ZBTB20: variants seen among roughly 807,000 people sequenced by gnomAD.
The protein encoded by ZBTB20 is zinc finger and BTB domain containing 20.
Under a neutral mutation model 56.9 loss-of-function variants are expected in ZBTB20, and 9 were observed. The ratio of observed to expected loss-of-function variants is 0.16; its 90% confidence interval spans 0.10 to 0.28. ZBTB20 has a LOEUF of 0.28. Among genes scored for constraint, ZBTB20 ranks in the 10% least tolerant of loss-of-function variants. ZBTB20 has a pLI of 1.00. For missense variants in ZBTB20, 655 were observed against 1,003.0 expected (o/e 0.65, Z 4.69); for synonymous variants, 417 against 420.7 (o/e 0.99, Z 0.11).
intron 7 of ZBTB20, among the ~76,000 whole-genome samples, chr3:114,450,184 T>C (rs1487994780): frequency 6.6e-6 from 1 of 152,190 alleles, no homozygotes; most frequent in East Asian, 1.9e-4. Context: ...ATCAACAGCC[T>C]TACCTGTGGC....
intron 4 of ZBTB20, among the ~76,000 whole-genome samples, chr3:114,827,717 G>A (rs2073615952): frequency 1.3e-5 from 2 of 151,708 alleles, no homozygotes; most frequent in Non-Finnish European, 3.0e-5. Context: ...TTTCACTAGA[G>A]GGTGCTCTTG....
intron 3 of ZBTB20, among the ~76,000 whole-genome samples, chr3:114,928,676 C>T (rs1193872514): frequency 1.3e-5 from 2 of 152,168 alleles, no homozygotes; most frequent in Admixed American, 6.5e-5. Flanking sequence ...AGTTAAGAAG[C>T]TTGTTTACAT....
chr3:114,778,859 A>G (rs541498012), intron 5 of ZBTB20, among the ~76,000 whole-genome samples: 2 of 152,348 alleles, frequency 1.3e-5, no homozygotes, highest in South Asian at 4.1e-4. Flanking sequence ...CAAAACAAGA[A>G]GAACAGTCTA....
intron 11 of ZBTB20, among the ~76,000 whole-genome samples, chr3:114,348,809 A>T (rs1339868044): frequency 6.6e-6 from 1 of 152,138 alleles, no homozygotes; most frequent in Non-Finnish European, 1.5e-5. Flanking sequence ...CTACTAGCTG[A>T]TCTGAGAAAC....
At chr3:114,905,425 A>G (rs1560383439) in intron 3 of ZBTB20, among the ~76,000 whole-genome samples, 2 of 151,828 alleles carry the variant, frequency 1.3e-5, no homozygotes, top group South Asian at 2.1e-4. Context: ...TGTCATAATA[A>G]TCATTTTATT....
intron 7 of ZBTB20, among the ~76,000 whole-genome samples, chr3:114,492,867 G>T (rs560300095): frequency 6.6e-6 from 1 of 152,170 alleles, no homozygotes; most frequent in Non-Finnish European, 1.5e-5. Context: ...CCTTACTCAG[G>T]TTTCATCAGT....
intron 5 of ZBTB20, among the ~76,000 whole-genome samples, chr3:114,795,632 A>G (rs1323704179): frequency 6.6e-6 from 1 of 152,112 alleles, no homozygotes; most frequent in Non-Finnish European, 1.5e-5. Context: ...TCTCTCTGAG[A>G]ATTCTGTCCT....
chr3:114,958,317 T>C (rs933792734), intron 3 of ZBTB20, among the ~76,000 whole-genome samples: 2 of 152,258 alleles, frequency 1.3e-5, no homozygotes, highest in Non-Finnish European at 2.9e-5. Context: ...TAACTTACTT[T>C]GTGTGACAGT....
At chr3:115,079,767 C>T (rs1320041864) in intron 1 of ZBTB20, among the ~76,000 whole-genome samples, 1 of 152,134 alleles carries the variant, frequency 6.6e-6, no homozygotes, top group Non-Finnish European at 1.5e-5. Context: ...CTCCATTCTT[C>T]GTAAAAACCC....
chr3:115,017,920 A>G (rs116254928), intron 2 of ZBTB20, among the ~76,000 whole-genome samples: 276 of 151,718 alleles, frequency 1.8e-3, no homozygotes, highest in Non-Finnish European at 3.2e-3. Context: ...CTTTCAGATA[A>G]TGTTACTAAA....
chr3:114,823,903 G>A (rs1295691051), intron 4 of ZBTB20, among the ~76,000 whole-genome samples: 1 of 151,984 alleles, frequency 6.6e-6, no homozygotes, highest in East Asian at 1.9e-4. Context: ...GCCAAATTTT[G>A]TTTTTAAACC....
chr3:114,914,361 T>A (rs1476584569), intron 3 of ZBTB20, among the ~76,000 whole-genome samples: 1 of 152,078 alleles, frequency 6.6e-6, no homozygotes, highest in African/African-American at 2.4e-5. Context: ...CTTTTTAAAT[T>A]TCTTTTTCAG....
intron 6 of ZBTB20, among the ~76,000 whole-genome samples, chr3:114,678,216 G>C (rs1318290681): frequency 6.6e-6 from 1 of 151,970 alleles, no homozygotes; most frequent in Non-Finnish European, 1.5e-5. Flanking sequence ...CAACAAACAA[G>C]AAAATAAAAA....
intron 6 of ZBTB20, among the ~76,000 whole-genome samples, chr3:114,562,060 C>G (rs2052129095): frequency 6.6e-6 from 1 of 152,314 alleles, no homozygotes; most frequent in East Asian, 1.9e-4. Context: ...TCAATCTCCA[C>G]TGGCTTCAAA....
chr3:114,362,141 A>T (rs1019307157), intron 10 of ZBTB20, among the ~76,000 whole-genome samples: 13 of 152,084 alleles, frequency 8.5e-5, no homozygotes, highest in African/African-American at 2.9e-4. Flanking sequence ...AAATACGGGA[A>T]TTTTTTTGTA....
chr3:114,786,665 G>A (rs1348088448), intron 5 of ZBTB20, among the ~76,000 whole-genome samples: 1 of 146,152 alleles, frequency 6.8e-6, no homozygotes, highest in East Asian at 1.9e-4. Context: ...AAAAGATTAT[G>A]GCTCCAGAAT....
At chr3:114,832,684 T>A (rs1003472163) in intron 4 of ZBTB20, among the ~76,000 whole-genome samples, 5 of 152,124 alleles carry the variant, frequency 3.3e-5, no homozygotes, top group African/African-American at 4.8e-5. Flanking sequence ...AATATGTAAG[T>A]CTAATTTTTT....
At chr3:114,711,040 CTAATAATT>C (rs1331749773) in intron 5 of ZBTB20, among the ~76,000 whole-genome samples, 2 of 152,150 alleles carry the variant, frequency 1.3e-5, no homozygotes, top group African/African-American at 4.8e-5. Flanking sequence ...TTAGGTTCTT[CTAATAATT>C]TAAATATTTG....
intron 6 of ZBTB20, among the ~76,000 whole-genome samples, chr3:114,540,647 C>T (rs1272766707): frequency 6.6e-6 from 1 of 152,092 alleles, no homozygotes; most frequent in Non-Finnish European, 1.5e-5. Flanking sequence ...GTAGCCATGT[C>T]TCCACTTCTA....
Sources: allele counts gnomAD v4.1 joint callset (sites outside exome capture counted in the v4.1 genomes callset), GRCh38; gene constraint gnomAD v4.1.1; transcripts MANE v1.5; gene names NCBI Gene and HGNC (gene_info 2026-07-23, HGNC 2026-07-21).